The following IPO7 variants were observed in gnomAD, a reference collection of about 807,000 sequenced individuals.
IPO7 encodes importin-7.
IPO7 carries 13 observed loss-of-function variants against 136.4 expected under a neutral mutation model. That is an observed-to-expected ratio of 0.10 (90% CI 0.06 to 0.15). IPO7 has a LOEUF of 0.15. Ranked by LOEUF, IPO7 falls within the 10% of genes least tolerant of loss-of-function variation. The pLI is 1.00. For missense variants in IPO7, 857 were observed against 1,240.6 expected (o/e 0.69, Z 4.65); for synonymous variants, 403 against 404.4 (o/e 1.00, Z 0.04).
At chr11:9,411,883 A>G (rs1854972775) in intron 4 of IPO7, among the ~76,000 whole-genome samples, 1 of 152,174 alleles carries the variant, frequency 6.6e-6, no homozygotes, top group Non-Finnish European at 1.5e-5. Context: ...CAGGGTATTG[A>G]GGGAGGTAGG....
At chr11:9,427,555 C>T (rs1855230541) in intron 12 of IPO7, among the ~76,000 whole-genome samples, 1 of 152,208 alleles carries the variant, frequency 6.6e-6, no homozygotes. Flanking sequence ...TCACTGCACC[C>T]GGCCGTCTTT....
chr11:9,422,683 T>TA (rs1453794059), intron 8 of IPO7, among the ~76,000 whole-genome samples: 1 of 151,758 alleles, frequency 6.6e-6, no homozygotes, highest in Non-Finnish European at 1.5e-5. Flanking sequence ...TGTGGTGACT[T>TA]ACACCTGTAA....
chr11:9,398,785 G>A (rs1564992511), intron 1 of IPO7, among the ~76,000 whole-genome samples: 1 of 151,980 alleles, frequency 6.6e-6, no homozygotes, highest in Non-Finnish European at 1.5e-5. Context: ...ATAAGTTGTT[G>A]TTAATTATGG....
In IPO7 at chr11:9,447,746, GCTTT is replaced by G. The variant is rs1855548106; in HGVS notation, c.*2557_*2560del. ...GCATAAATCACTTTTGTAAATGTAA[GCTTT>G]CTTTTTTTTTCTTGAAAAAGCCTTT... On this transcript the variant is annotated 3_prime_UTR_variant, in exon 25 of 25. Transcript: ENST00000379719. The G allele has an allele frequency of 6.6e-6, 1 of 151,870 alleles. No homozygotes were observed. Among genetic ancestry groups the G allele is most frequent in the East Asian group, 1.9e-4 (1 of 5,194 alleles). 9.4% of individuals were successfully genotyped at this position (151,870 alleles called of 1,614,324 possible).
intron 3 of IPO7, 56 bp downstream of exon 3, chr11:9,408,695 T>G (rs1221345656): frequency 8.6e-6 from 11 of 1,280,490 alleles, no homozygotes; most frequent in Admixed American, 2.7e-5. Flanking sequence ...CAGGGTTTTT[T>G]GTTTTTTGGT....
chr11:9,422,327 A>G (rs1855145158), intron 8 of IPO7, among the ~76,000 whole-genome samples: 1 of 152,176 alleles, frequency 6.6e-6, no homozygotes, highest in South Asian at 2.1e-4. Context: ...CATACTCTTG[A>G]TTCAAATAAG....
chr11:9,392,200 G>A (rs754598131), intron 1 of IPO7: 14 of 217,796 alleles, frequency 6.4e-5, no homozygotes, highest in Middle Eastern at 2.2e-3. Flanking sequence ...TTTTTGAGAC[G>A]GAGTTTCGCT....
chr11:9,402,543 G>A (rs995618801), intron 1 of IPO7, among the ~76,000 whole-genome samples: 1 of 151,340 alleles, frequency 6.6e-6, no homozygotes, highest in Non-Finnish European at 1.5e-5. Context: ...CCAATATGGT[G>A]AAACCCCGAC....
intron 3 of IPO7, 73 bp downstream of exon 3, chr11:9,408,712 T>G (rs1293556523): frequency 2.0e-5 from 20 of 988,338 alleles, no homozygotes; most frequent in East Asian, 2.9e-5. Flanking sequence ...TGGTTTTTTT[T>G]TTTTTTTTTT....
At chr11:9,393,536 A>T (rs748645377) in intron 1 of IPO7, among the ~76,000 whole-genome samples, 10 of 151,970 alleles carry the variant, frequency 6.6e-5, no homozygotes, top group Non-Finnish European at 1.3e-4. Context: ...AACCACCACC[A>T]CGTCCGGCTA....
At chr11:9,389,138 C>A (rs1321919848) in intron 1 of IPO7, among the ~76,000 whole-genome samples, 1 of 152,020 alleles carries the variant, frequency 6.6e-6, no homozygotes, top group Non-Finnish European at 1.5e-5. Flanking sequence ...ACTGTAGCCT[C>A]CAATCCCAGG....
In IPO7 at chr11:9,425,179, A is replaced by G; in HGVS notation, c.1252A>G (p.Ile418Val). Reference sequence around the variant, plus strand: ...AAAGACTATGGGATTTTGTTACCAGATTCTTACAGAACCAAATGCTGACCC... The same window carrying G: ...AAAGACTATGGGATTTTGTTACCAGGTTCTTACAGAACCAAATGCTGACCC... ...LQKTMGFCYQ[I>V]LTEPNADPRK... Residue 418 changes from isoleucine (I) to valine (V), a missense_variant, in exon 12 of 25, where the codon ATT becomes GTT. Around this residue, in one of 11 missense-constraint regions of IPO7, gnomAD observed 127 missense variants for 222.4 expected, o/e 0.57. Coordinates refer to ENST00000379719, the MANE Select transcript of IPO7 (RefSeq NM_006391.3). 2.5e-6 allele frequency: 4 copies of G among 1,611,654 alleles called. No individual in the cohort carries two copies. The highest frequency in any genetic ancestry group is 3.4e-6 in the Non-Finnish European group (4 of 1,179,106).
At chr11:9,400,263 T>C (rs1854773932) in intron 1 of IPO7, among the ~76,000 whole-genome samples, 2 of 152,286 alleles carry the variant, frequency 1.3e-5, no homozygotes, top group South Asian at 4.1e-4. Context: ...CCCACAGATA[T>C]GGGGGCACCG....
intron 6 of IPO7, among the ~76,000 whole-genome samples, chr11:9,419,427 A>G (rs1198055122): frequency 6.6e-6 from 1 of 151,752 alleles, no homozygotes; most frequent in Non-Finnish European, 1.5e-5. Flanking sequence ...GCAAGCCTGT[A>G]GTCCCAGCTA....
intron 1 of IPO7, among the ~76,000 whole-genome samples, chr11:9,400,125 G>A (rs1854771805): frequency 6.6e-6 from 1 of 152,134 alleles, no homozygotes; most frequent in African/African-American, 2.4e-5. Context: ...CAATGTAAAT[G>A]CTACGTAAAT....
intron 12 of IPO7, among the ~76,000 whole-genome samples, chr11:9,425,615 C>T (rs1307118917): frequency 6.6e-6 from 1 of 152,006 alleles, no homozygotes; most frequent in Non-Finnish European, 1.5e-5. Context: ...ATGGCTCACG[C>T]CTGTAATCCC....
chr11:9,401,605 A>T (rs1854797909), intron 1 of IPO7, among the ~76,000 whole-genome samples: 2 of 152,184 alleles, frequency 1.3e-5, no homozygotes, highest in Non-Finnish European at 2.9e-5. Context: ...CAAATTTAGG[A>T]ATATGTAACC....
In IPO7 at chr11:9,423,105, G is replaced by A; in HGVS notation, c.1006G>A (p.Ala336Thr). The A allele has an allele frequency of 6.3e-7, 1 of 1,591,500 alleles. No individual in the cohort carries two copies. The highest frequency in any genetic ancestry group is 1.1e-5 in the South Asian group (1 of 89,698). ...TTATATTAATCAAGGAGTTTCTCAT[G>A]CTCTCACCTGGAAGAATCTGAAGCC... ...LNYINQGVSH[A>T]LTWKNLKPHI... Residue 336 changes from alanine to threonine, a missense_variant, in exon 9 of 25, where the codon GCT becomes ACT. This residue lies in a region of IPO7 where 127 missense variants were observed against 222.4 expected (regional missense o/e 0.57). Transcript: ENST00000379719.
At chr11:9,438,997 T>C (rs1855423315) in intron 22 of IPO7, among the ~76,000 whole-genome samples, 2 of 152,272 alleles carry the variant, frequency 1.3e-5, no homozygotes, top group Non-Finnish European at 2.9e-5. Context: ...TTCCCTTTTT[T>C]ATATGGTGGC....
Sources: allele counts gnomAD v4.1 joint callset (sites outside exome capture counted in the v4.1 genomes callset), GRCh38; gene constraint gnomAD v4.1.1; regional missense constraint gnomAD v4.1.1; transcripts MANE v1.5; gene names NCBI Gene and HGNC (gene_info 2026-07-23, HGNC 2026-07-21).